The following CNTN5 variants were observed in gnomAD, a reference collection of about 807,000 sequenced individuals.
CNTN5 encodes the protein contactin-5.
In CNTN5, 77 loss-of-function variants were observed where a neutral mutation model predicts 129.1. The observed-to-expected ratio is 0.60, with a 90% CI of 0.50 to 0.72. The LOEUF is 0.72. Ranked by LOEUF, CNTN5 falls within the 30% of genes least tolerant of loss-of-function variation. CNTN5 has a pLI of 0.00. For synonymous variants in CNTN5, 509 were observed against 465.6 expected, an observed-to-expected ratio of 1.09 and a Z score of -1.20; for missense variants, 1,478 against 1,328.8, an observed-to-expected ratio of 1.11 and a Z score of -1.75.
At chr11:99,834,029 C>T (rs929241294) in intron 4 of CNTN5, among the ~76,000 whole-genome samples, 1 of 152,126 alleles carries the variant, frequency 6.6e-6, no homozygotes, top group African/African-American at 2.4e-5. Context: ...TGAAAATTCT[C>T]TTCATAGTTA....
intron 1 of CNTN5, among the ~76,000 whole-genome samples, chr11:99,190,610 C>G (rs1858589885): frequency 6.6e-6 from 1 of 151,242 alleles, no homozygotes; most frequent in East Asian, 1.9e-4. Flanking sequence ...GTGTAGAGGT[C>G]TTAAATTCAT....
intron 2 of CNTN5, among the ~76,000 whole-genome samples, chr11:99,547,450 A>C (rs1948337430): frequency 6.6e-6 from 1 of 152,204 alleles, no homozygotes; most frequent in African/African-American, 2.4e-5. Flanking sequence ...AAATGTAGAA[A>C]GTTGCCTTAT....
intron 1 of CNTN5, among the ~76,000 whole-genome samples, chr11:99,294,997 G>A (rs1864322660): frequency 6.6e-6 from 1 of 152,138 alleles, no homozygotes; most frequent in Non-Finnish European, 1.5e-5. Context: ...GTCTCAGAAT[G>A]TCATTCATAG....
At chr11:99,536,240 G>A (rs1947895442) in intron 2 of CNTN5, among the ~76,000 whole-genome samples, 1 of 148,592 alleles carries the variant, frequency 6.7e-6, no homozygotes, top group Non-Finnish European at 1.5e-5. Context: ...ATAGACTATT[G>A]GCCTTCAAAT....
chr11:99,735,285 C>T (rs1943667912), intron 3 of CNTN5, among the ~76,000 whole-genome samples: 2 of 152,090 alleles, frequency 1.3e-5, no homozygotes, highest in Admixed American at 1.3e-4. Flanking sequence ...AAATTATGTC[C>T]CAGTTCCTCC....
chr11:100,254,200 TA>T (rs1950024011), intron 16 of CNTN5, among the ~76,000 whole-genome samples: 1 of 152,230 alleles, frequency 6.6e-6, no homozygotes, highest in Non-Finnish European at 1.5e-5. Context: ...AGTACTATTC[TA>T]GAATATTTGT....
Position 99,339,758 on chromosome 11 carries a change from C to CGCTACAG in CNTN5, c.-71+14275_-71+14281dup, listed in dbSNP as rs1866422842. ...GATTGCGCCACCGCACTCCAGCCTG[C>CGCTACAG]GCTACAGAGTGAGACTCCGACTCAA... On this transcript the variant is annotated intron_variant, in intron 2 of 24. Transcript: ENST00000524871. Among the ~76,000 whole-genome samples the CGCTACAG allele has an allele frequency of 2.0e-5, 3 of 146,850 alleles. No homozygotes were observed. The South Asian group carries it at 6.5e-4, about 32-fold the overall frequency.
intron 15 of CNTN5, among the ~76,000 whole-genome samples, chr11:100,217,096 T>C (rs1949152058): frequency 6.6e-6 from 1 of 152,208 alleles, no homozygotes; most frequent in African/African-American, 2.4e-5. Context: ...GCAATGACTT[T>C]TTGTACTATT....
chr11:99,468,379 C>G (rs148975231), intron 2 of CNTN5, among the ~76,000 whole-genome samples: 420 of 152,256 alleles, frequency 2.8e-3, no homozygotes, highest in Non-Finnish European at 4.8e-3. Flanking sequence ...TTTCCTGTCT[C>G]TATCAGAACC....
At chr11:99,400,563 C>G (rs959336848) in intron 2 of CNTN5, among the ~76,000 whole-genome samples, 4 of 152,038 alleles carry the variant, frequency 2.6e-5, no homozygotes, top group South Asian at 2.1e-4. Context: ...ATCTCTTCCA[C>G]GAACTGATTT....
intron 1 of CNTN5, among the ~76,000 whole-genome samples, chr11:99,286,296 G>T (rs920827540): frequency 6.6e-6 from 1 of 152,056 alleles, no homozygotes; most frequent in South Asian, 2.1e-4. Context: ...CTATTATTCA[G>T]ATTGCTGTTA....
intron 7 of CNTN5, among the ~76,000 whole-genome samples, chr11:99,955,755 G>A (rs577803658): frequency 7.9e-5 from 12 of 151,818 alleles, no homozygotes; most frequent in African/African-American, 1.5e-4. Flanking sequence ...TAGTAGAGAC[G>A]GGGTTTCACC....
intron 3 of CNTN5, among the ~76,000 whole-genome samples, chr11:99,701,710 A>G (rs926850662): frequency 1.3e-5 from 2 of 151,038 alleles, no homozygotes; most frequent in Non-Finnish European, 3.0e-5. Context: ...TCTTTCCTAT[A>G]ATAAACCTGT....
chr11:100,225,893 C>T (rs1348891554), intron 16 of CNTN5, among the ~76,000 whole-genome samples: 1 of 152,032 alleles, frequency 6.6e-6, no homozygotes, highest in African/African-American at 2.4e-5. Flanking sequence ...GAGTGAGCCT[C>T]ATCATCTCTA....
At chr11:100,352,086 G>C (rs558647628) in intron 24 of CNTN5, among the ~76,000 whole-genome samples, 23 of 151,600 alleles carry the variant, frequency 1.5e-4, no homozygotes, top group Non-Finnish European at 2.5e-4. Flanking sequence ...TGTGTCATGG[G>C]GTTTTGTTGT....
chr11:99,711,215 A>T (rs1954973466), intron 3 of CNTN5, among the ~76,000 whole-genome samples: 1 of 151,952 alleles, frequency 6.6e-6, no homozygotes, highest in South Asian at 2.1e-4. Flanking sequence ...GGTCAAAGCA[A>T]CTCTATAGAG....
At chr11:99,482,695 A>T (rs1945647075) in intron 2 of CNTN5, among the ~76,000 whole-genome samples, 1 of 152,208 alleles carries the variant, frequency 6.6e-6, no homozygotes, top group African/African-American at 2.4e-5. Flanking sequence ...ATCCTAGAAG[A>T]TAACGTAGGA....
intron 2 of CNTN5, among the ~76,000 whole-genome samples, chr11:99,506,323 G>T (rs1451682135): frequency 6.6e-6 from 1 of 152,076 alleles, no homozygotes; most frequent in Non-Finnish European, 1.5e-5. Flanking sequence ...CTTTTTAATG[G>T]CATGAGACAG....
chr11:99,834,274 C>T (rs1228093506), intron 4 of CNTN5, among the ~76,000 whole-genome samples: 1 of 152,130 alleles, frequency 6.6e-6, no homozygotes, highest in East Asian at 1.9e-4. Context: ...ATGCTGCATT[C>T]ACGGGGATTT....
Sources: allele counts gnomAD v4.1 joint callset (sites outside exome capture counted in the v4.1 genomes callset), GRCh38; gene constraint gnomAD v4.1.1; transcripts MANE v1.5; gene names NCBI Gene and HGNC (gene_info 2026-07-23, HGNC 2026-07-21).